The following ASAP1 variants were observed in gnomAD, a reference collection of about 807,000 sequenced individuals.
ASAP1 encodes the protein ArfGAP with SH3 domain, ankyrin repeat and PH domain 1.
A neutral mutation model predicts 145.2 loss-of-function variants in ASAP1; 43 were observed. The ratio of observed to expected loss-of-function variants is 0.30; its 90% CI spans 0.23 to 0.38. The LOEUF (loss-of-function observed/expected upper bound fraction) is 0.38. Ranked by LOEUF, ASAP1 falls within the 10% of genes least tolerant of loss-of-function variation. ASAP1 has a pLI of 1.00. For missense variants in ASAP1, 1,018 were observed against 1,355.3 expected (o/e 0.75, Z 3.91); for synonymous variants, 546 against 515.5 (o/e 1.06, Z -0.80).
chr8:130,441,938 T>A (rs1830501050), intron 1 of ASAP1, among the ~76,000 whole-genome samples: 3 of 152,216 alleles, frequency 2.0e-5, no homozygotes, highest in Non-Finnish European at 2.9e-5. Flanking sequence ...GCTAAGATAC[T>A]GCCCTTTTTT....
chr8:130,231,604 C>T (rs1006247115), intron 4 of ASAP1, among the ~76,000 whole-genome samples: 1 of 152,074 alleles, frequency 6.6e-6, no homozygotes, highest in Non-Finnish European at 1.5e-5. Flanking sequence ...CAGAAAAAGA[C>T]CTAGTAGCAG....
At chr8:130,246,583 T>C (rs1165159510) in intron 3 of ASAP1, among the ~76,000 whole-genome samples, 1 of 152,172 alleles carries the variant, frequency 6.6e-6, no homozygotes, top group South Asian at 2.1e-4. Flanking sequence ...TGCTTCGTCT[T>C]TGCCTTCTGC....
At chr8:130,072,871 G>A (rs1262808221) in intron 27 of ASAP1, among the ~76,000 whole-genome samples, 1 of 148,222 alleles carries the variant, frequency 6.7e-6, no homozygotes, top group Non-Finnish European at 1.5e-5. Flanking sequence ...CACCCGGTGG[G>A]ACTGGCACTA....
At chr8:130,172,088 T>C (rs1282600320) in intron 9 of ASAP1, among the ~76,000 whole-genome samples, 4 of 152,120 alleles carry the variant, frequency 2.6e-5, no homozygotes, top group Non-Finnish European at 5.9e-5. Flanking sequence ...TTGGCCTCAG[T>C]TTGCTCATGT....
chr8:130,370,754 A>G (rs544333561), intron 2 of ASAP1, among the ~76,000 whole-genome samples: 1 of 152,250 alleles, frequency 6.6e-6, no homozygotes, highest in Non-Finnish European at 1.5e-5. Context: ...ATGCTACAAC[A>G]TGGATGAAAC....
At chr8:130,187,183 A>T in intron 7 of ASAP1, 53 bp downstream of exon 7, 1 of 1,494,834 alleles carries the variant, frequency 6.7e-7, no homozygotes, top group Non-Finnish European at 9.1e-7. Flanking sequence ...GTTGTCCAAA[A>T]TTCACAACAA....
intron 11 of ASAP1, chr8:130,160,784 C>T (rs1350342399): frequency 7.8e-7 from 1 of 1,282,982 alleles, no homozygotes; most frequent in African/African-American, 1.5e-5. Context: ...TATTGACTTA[C>T]TCTCCTAGAC....
At chr8:130,072,831 G>GCGCGCGCGCGCGCGCGCGC (rs58907739) in intron 27 of ASAP1, among the ~76,000 whole-genome samples, 35 of 110,762 alleles carry the variant, frequency 3.2e-4, no homozygotes, top group African/African-American at 7.5e-4. Context: ...GTGTGCGCGC[G>GCGCGCGCGCGCGCGCGCGC]GGGGGGGGCA....
intron 23 of ASAP1, among the ~76,000 whole-genome samples, chr8:130,114,769 A>ATT (rs60433249): frequency 0.12 from 16,303 of 134,840 alleles, 1,134 homozygotes; most frequent in Non-Finnish European, 0.16. Flanking sequence ...TTGAAGGTTA[A>ATT]TTTTTTTTTT....
intron 3 of ASAP1, chr8:130,340,721 A>T: frequency 3.3e-6 from 1 of 300,320 alleles, no homozygotes; most frequent in Non-Finnish European, 6.8e-6. Context: ...GCATTTATTG[A>T]TCTTCTCTAA....
intron 7 of ASAP1, among the ~76,000 whole-genome samples, chr8:130,183,404 G>A (rs1461305238): frequency 1.3e-5 from 2 of 151,966 alleles, no homozygotes; most frequent in Non-Finnish European, 2.9e-5. Context: ...GCAGTGGTCC[G>A]ATCTCGGCTC....
At chr8:130,402,659 C>T (rs958902968) in intron 1 of ASAP1, among the ~76,000 whole-genome samples, 2 of 152,122 alleles carry the variant, frequency 1.3e-5, no homozygotes, top group Admixed American at 1.3e-4. Context: ...GCATCTCCAT[C>T]CAGGGCGAAA....
At chr8:130,199,927 T>G (rs542231351) in intron 5 of ASAP1, among the ~76,000 whole-genome samples, 1 of 152,228 alleles carries the variant, frequency 6.6e-6, no homozygotes, top group Non-Finnish European at 1.5e-5. Flanking sequence ...TTTTTTAGTA[T>G]AGTCCATCCA....
chr8:130,404,151 G>A (rs922420868), intron 1 of ASAP1, among the ~76,000 whole-genome samples: 29 of 152,180 alleles, frequency 1.9e-4, no homozygotes, highest in African/African-American at 6.8e-4. Context: ...ATTGGTGTAT[G>A]TTGCAGCACC....
chr8:130,141,695 C>T (rs1439956191), intron 13 of ASAP1, among the ~76,000 whole-genome samples: 1 of 152,070 alleles, frequency 6.6e-6, no homozygotes, highest in Non-Finnish European at 1.5e-5. Flanking sequence ...TATATGCGCA[C>T]GCTACCACAC....
chr8:130,092,156 T>TTGAATGGGGGCAGGAAGATTAA lies in ASAP1; in HGVS notation c.2402-35_2402-14dup. 3 of 1,563,838 alleles carry TTGAATGGGGGCAGGAAGATTAA rather than the reference T, an allele frequency of 1.9e-6. No individual in the cohort carries two copies. The highest frequency in any genetic ancestry group is 2.6e-6 in the Non-Finnish European group (3 of 1,162,094). On this transcript the variant is annotated splice_polypyrimidine_tract_variant and intron_variant, in intron 24 of 29. Transcript: ENST00000518721. Reference sequence around the variant, plus strand: ...GGGCCAGTTGGACCTAGAAAGGAAATTGAATGGGGGCAGGAAGATTAATCC... The same window carrying TTGAATGGGGGCAGGAAGATTAA: ...GGGCCAGTTGGACCTAGAAAGGAAATTGAATGGGGGCAGGAAGATTAATGAATGGGGGCAGGAAGATTAATCC...
chr8:130,060,810 C>A lies in ASAP1; in HGVS notation c.2961G>T (p.Lys987Asn). 1 of 1,613,320 alleles carries A rather than the reference C, an allele frequency of 6.2e-7. No homozygotes were observed. Among genetic ancestry groups the A allele is most frequent in the Non-Finnish European group, 8.5e-7 (1 of 1,179,802 alleles). ...LSDLPPKPQMKDLPPKPQLGD... is the reference protein window; with the variant it reads ...LSDLPPKPQMNDLPPKPQLGD... ...CCAGCTGTGGTTTGGGGGGCAGGTCCTTCATCTGTGGTTTGGGAGGTAAGT... is the reference window on the plus strand; with the variant it reads ...CCAGCTGTGGTTTGGGGGGCAGGTCATTCATCTGTGGTTTGGGAGGTAAGT... The change falls in exon 28 of 30, where the codon AAG becomes AAT. Residue 987 changes from lysine to asparagine, a missense_variant. Coordinates refer to ENST00000518721, the MANE Select transcript of ASAP1 (RefSeq NM_018482.4).
intron 13 of ASAP1, among the ~76,000 whole-genome samples, chr8:130,152,121 A>G (rs2097647815): frequency 1.3e-5 from 2 of 152,214 alleles, no homozygotes; most frequent in African/African-American, 2.4e-5. Flanking sequence ...TCTGCTGGCA[A>G]TTCATTGAGC....
chr8:130,287,215 T>A (rs958599704), intron 3 of ASAP1, among the ~76,000 whole-genome samples: 1 of 152,146 alleles, frequency 6.6e-6, no homozygotes, highest in African/African-American at 2.4e-5. Context: ...CAAAGCACAG[T>A]GCCTGGAACT....
Sources: gnomAD v4.1 joint callset for allele counts (sites outside exome capture counted in the v4.1 genomes callset) on GRCh38, gnomAD v4.1.1 for gene constraint, MANE v1.5 for transcripts, NCBI Gene and HGNC (gene_info 2026-07-23, HGNC 2026-07-21) for gene names.